CNTNAP5: variants seen among roughly 807,000 people sequenced by gnomAD.
CNTNAP5 encodes contactin-associated protein-like 5.
In CNTNAP5, 72 loss-of-function variants were observed where a neutral mutation model predicts 150.2. The observed-to-expected ratio is 0.48, with a 90% CI of 0.40 to 0.58. The LOEUF (loss-of-function observed/expected upper bound fraction) is 0.58, where lower values mean the gene tolerates loss of function less well. CNTNAP5 is among the 20% of genes least tolerant of loss of function. The pLI is 0.00. For missense variants in CNTNAP5, 1,636 were observed against 1,626.2 expected (o/e 1.01, Z -0.10); for synonymous variants, 672 against 619.8 (o/e 1.08, Z -1.25).
At chr2:124,197,278 C>T (rs905196306) in intron 1 of CNTNAP5, among the ~76,000 whole-genome samples, 3 of 151,388 alleles carry the variant, frequency 2.0e-5, no homozygotes, top group South Asian at 4.2e-4. Flanking sequence ...GTTATTAATC[C>T]TTTGATTTTC....
intron 13 of CNTNAP5, among the ~76,000 whole-genome samples, chr2:124,715,918 C>T (rs770179326): frequency 5.3e-5 from 8 of 152,054 alleles, no homozygotes; most frequent in Non-Finnish European, 8.8e-5. Flanking sequence ...ATTTTATAAG[C>T]TTAATTCTTC....
At chr2:124,604,223 A>G (rs917938674) in intron 11 of CNTNAP5, among the ~76,000 whole-genome samples, 1 of 152,142 alleles carries the variant, frequency 6.6e-6, no homozygotes, top group African/African-American at 2.4e-5. Flanking sequence ...ATCTGTTTGC[A>G]TTTTATATTT....
chr2:124,350,722 T>G (rs993190067), intron 3 of CNTNAP5, among the ~76,000 whole-genome samples: 1 of 152,154 alleles, frequency 6.6e-6, no homozygotes, highest in Non-Finnish European at 1.5e-5. Context: ...TTATTGGAGA[T>G]ATAGTATATG....
chr2:124,521,584 G>A (rs1010748913), intron 8 of CNTNAP5, among the ~76,000 whole-genome samples: 3 of 152,020 alleles, frequency 2.0e-5, no homozygotes, highest in African/African-American at 4.8e-5. Context: ...CTAATTCGAG[G>A]GGACACTCAC....
intron 11 of CNTNAP5, among the ~76,000 whole-genome samples, chr2:124,600,731 C>CAGAGAGAGAGAGAGAG (rs374118230): frequency 6.7e-4 from 83 of 124,108 alleles, no homozygotes; most frequent in Non-Finnish European, 1.0e-3. Flanking sequence ...CAACAATACT[C>CAGAGAGAGAGAGAGAG]AGAGAGAGAG....
At chr2:124,740,088 TATTTA>T (rs1672521552) in intron 13 of CNTNAP5, among the ~76,000 whole-genome samples, 1 of 149,458 alleles carries the variant, frequency 6.7e-6, no homozygotes, top group South Asian at 2.1e-4. Flanking sequence ...ATGAATTATA[TATTTA>T]ATTTATATAT....
chr2:124,106,484 A>G (rs1311818603), intron 1 of CNTNAP5, among the ~76,000 whole-genome samples: 2 of 152,170 alleles, frequency 1.3e-5, no homozygotes, highest in Non-Finnish European at 2.9e-5. Flanking sequence ...AAGGATGCCT[A>G]TGAAATTAAA....
At chr2:124,729,358 T>C (rs1021453691) in intron 13 of CNTNAP5, among the ~76,000 whole-genome samples, 5 of 152,138 alleles carry the variant, frequency 3.3e-5, no homozygotes, top group African/African-American at 7.2e-5. Flanking sequence ...TAAGAAAATA[T>C]TAATAGAATA....
intron 3 of CNTNAP5, among the ~76,000 whole-genome samples, chr2:124,364,501 C>T (rs961079286): frequency 6.6e-6 from 1 of 152,168 alleles, no homozygotes; most frequent in Non-Finnish European, 1.5e-5. Context: ...TCTGCCTAAA[C>T]TTCTGCTAGT....
chr2:124,905,107 T>G (rs920765227), intron 22 of CNTNAP5, among the ~76,000 whole-genome samples: 1 of 114,432 alleles, frequency 8.7e-6, no homozygotes, highest in Non-Finnish European at 1.9e-5. Context: ...ATGTGAATAG[T>G]TTTTTTTTGT....
chr2:124,898,461 G>C (rs1177043307), intron 21 of CNTNAP5, among the ~76,000 whole-genome samples: 1 of 151,492 alleles, frequency 6.6e-6, no homozygotes, highest in Non-Finnish European at 1.5e-5. Context: ...TGTGTAAAGT[G>C]TTGTGCATTC....
intron 22 of CNTNAP5, among the ~76,000 whole-genome samples, chr2:124,906,010 G>T (rs943663740): frequency 6.6e-6 from 1 of 152,122 alleles, no homozygotes; most frequent in Non-Finnish European, 1.5e-5. Context: ...CAGGCCTATT[G>T]TTTGCTATCT....
At chr2:124,137,282 A>G (rs549253391) in intron 1 of CNTNAP5, among the ~76,000 whole-genome samples, 39 of 144,814 alleles carry the variant, frequency 2.7e-4, no homozygotes, top group African/African-American at 9.4e-4. Context: ...ACACTTTTAT[A>G]ATGTCTCTTT....
chr2:124,163,183 G>T (rs149776476), intron 1 of CNTNAP5, among the ~76,000 whole-genome samples: 1 of 152,164 alleles, frequency 6.6e-6, no homozygotes, highest in Non-Finnish European at 1.5e-5. Flanking sequence ...CTAGAAATGA[G>T]ATCATGAGGA....
At chr2:124,800,871 C>G (rs1681952708) in intron 19 of CNTNAP5, among the ~76,000 whole-genome samples, 1 of 152,118 alleles carries the variant, frequency 6.6e-6, no homozygotes, top group African/African-American at 2.4e-5. Context: ...TGACCATGGC[C>G]TGTGACACAG....
intron 1 of CNTNAP5, among the ~76,000 whole-genome samples, chr2:124,167,032 A>AT: frequency 6.6e-6 from 1 of 151,838 alleles, no homozygotes; most frequent in East Asian, 1.9e-4. Context: ...CATTCTTCTC[A>AT]TTTTTGTATA....
intron 13 of CNTNAP5, among the ~76,000 whole-genome samples, chr2:124,678,649 G>T (rs1046048622): frequency 2.6e-5 from 4 of 151,834 alleles, no homozygotes; most frequent in African/African-American, 9.7e-5. Context: ...GGGAACTACA[G>T]CAAATGGAAC....
intron 3 of CNTNAP5, among the ~76,000 whole-genome samples, chr2:124,300,127 T>C (rs1481427596): frequency 6.6e-6 from 1 of 152,226 alleles, no homozygotes; most frequent in East Asian, 1.9e-4. Context: ...TTTCAACTGT[T>C]TCTTAGAGGT....
At chr2:124,730,983 G>GT (rs1414432959) in intron 13 of CNTNAP5, among the ~76,000 whole-genome samples, 1 of 152,050 alleles carries the variant, frequency 6.6e-6, no homozygotes, top group African/African-American at 2.4e-5. Flanking sequence ...TAATTGCAAA[G>GT]TTCTTCATAT....
Sources: gnomAD v4.1 joint callset for allele counts (sites outside exome capture counted in the v4.1 genomes callset) on GRCh38, gnomAD v4.1.1 for gene constraint, MANE v1.5 for transcripts, NCBI Gene and HGNC (gene_info 2026-07-23, HGNC 2026-07-21) for gene names.